SAMD4A: variants seen among roughly 807,000 people sequenced by gnomAD.
The protein encoded by SAMD4A is sterile alpha motif domain containing 4A.
In SAMD4A, 33 loss-of-function variants were observed where a neutral mutation model predicts 81.3. The ratio of observed to expected loss-of-function variants is 0.41; its 90% CI spans 0.31 to 0.54. The LOEUF (loss-of-function observed/expected upper bound fraction) is 0.54, where lower values mean the gene tolerates loss of function less well. SAMD4A is among the 20% of genes least tolerant of loss of function. SAMD4A has a pLI of 0.37. For missense variants in SAMD4A, 854 were observed against 951.1 expected (o/e 0.90, Z 1.34); for synonymous variants, 389 against 382.1 (o/e 1.02, Z -0.21).
intron 4 of SAMD4A, among the ~76,000 whole-genome samples, chr14:54,742,225 G>C (rs555415044): frequency 6.6e-6 from 1 of 152,270 alleles, no homozygotes; most frequent in South Asian, 2.1e-4. Context: ...GTAACCAATT[G>C]AATAGACAGT....
chr14:54,582,008 A>T (rs2033482646), intron 2 of SAMD4A, among the ~76,000 whole-genome samples: 1 of 152,006 alleles, frequency 6.6e-6, no homozygotes, highest in Non-Finnish European at 1.5e-5. Flanking sequence ...CTATTTTCAC[A>T]TTTTCTTTTT....
chr14:54,614,981 A>G lies in SAMD4A; in HGVS notation c.196+46869A>G, dbSNP rs375027396. 7.7e-4 allele frequency among the ~76,000 whole-genome samples: 117 copies of G among 152,296 alleles called. 1 individual carries two copies. The South Asian group carries it at 0.013, about 17-fold the overall frequency. On this transcript the variant is annotated intron_variant, in intron 2 of 12. Transcript: ENST00000554335. ...ACCATCTTTCTTTGGTAGTATGCCC[A>G]GTGTGTGTTTAATTAAGATTAACTA...
intron 11 of SAMD4A, among the ~76,000 whole-genome samples, chr14:54,778,017 A>G (rs1158583520): frequency 6.6e-6 from 1 of 152,166 alleles, no homozygotes; most frequent in African/African-American, 2.4e-5. Context: ...TCCATTCCCA[A>G]TAAAAAAGAA....
At chr14:54,735,718 C>T (rs560248715) in intron 3 of SAMD4A, among the ~76,000 whole-genome samples, 9 of 152,360 alleles carry the variant, frequency 5.9e-5, no homozygotes, top group African/African-American at 2.2e-4. Flanking sequence ...TGACTCTGCT[C>T]TTTATCTTTT....
At chr14:54,753,966 A>G (rs2038176069) in intron 6 of SAMD4A, among the ~76,000 whole-genome samples, 1 of 152,244 alleles carries the variant, frequency 6.6e-6, no homozygotes, top group South Asian at 2.1e-4. Context: ...TTTGTTAGAA[A>G]GTACGGAAAA....
chr14:54,596,402 T>A (rs915774083), intron 2 of SAMD4A, among the ~76,000 whole-genome samples: 3 of 151,984 alleles, frequency 2.0e-5, no homozygotes, highest in Admixed American at 2.0e-4. Flanking sequence ...CTGCCCAACA[T>A]GGTGAAACCC....
At chr14:54,753,358 T>A (rs1354489358) in intron 6 of SAMD4A, among the ~76,000 whole-genome samples, 1 of 139,316 alleles carries the variant, frequency 7.2e-6, no homozygotes, top group African/African-American at 2.7e-5. Flanking sequence ...TTACCAAGTA[T>A]ACTGCTTGTA....
Position 54,594,246 on chromosome 14 carries a change from A to G in SAMD4A, c.196+26134A>G, listed in dbSNP as rs546764708. Reference sequence around the variant, plus strand: ...TGCCTATTAAGTGTATATTATCTGCATAAGGTACAGAACGAAAATGCCACT... The same window carrying G: ...TGCCTATTAAGTGTATATTATCTGCGTAAGGTACAGAACGAAAATGCCACT... On this transcript the variant is annotated intron_variant, in intron 2 of 12. Transcript: ENST00000554335. Among the ~76,000 whole-genome samples the G allele has an allele frequency of 5.3e-5, 8 of 152,272 alleles. No homozygotes were observed. In the East Asian group the frequency reaches 1.5e-3, roughly 29 times the overall value.
chr14:54,671,317 T>C (rs1419220692), intron 2 of SAMD4A, among the ~76,000 whole-genome samples: 1 of 152,196 alleles, frequency 6.6e-6, no homozygotes, highest in Admixed American at 6.5e-5. Context: ...TGTTGTGGCT[T>C]CTTGTGCAAG....
chr14:54,620,475 G>A (rs767854444), intron 2 of SAMD4A, among the ~76,000 whole-genome samples: 6 of 152,062 alleles, frequency 3.9e-5, no homozygotes, highest in Admixed American at 1.3e-4. Flanking sequence ...ATTCCTTCCC[G>A]CTCACATGGC....
At chr14:54,770,261 C>T in intron 9 of SAMD4A, 39 bp downstream of exon 9, 1 of 1,385,578 alleles carries the variant, frequency 7.2e-7, no homozygotes, top group South Asian at 1.2e-5. Flanking sequence ...CGTAGTGGTT[C>T]CCCTGGCGCC....
chr14:54,711,216 T>C (rs1478427061), intron 3 of SAMD4A, among the ~76,000 whole-genome samples: 2 of 152,238 alleles, frequency 1.3e-5, no homozygotes, highest in African/African-American at 4.8e-5. Context: ...ATAATATTGA[T>C]CATTTAGCCT....
chr14:54,674,569 GCAGGCGTT>G (rs1414388769), intron 2 of SAMD4A, among the ~76,000 whole-genome samples: 1 of 152,152 alleles, frequency 6.6e-6, no homozygotes, highest in East Asian at 1.9e-4. Flanking sequence ...TTTCTACCAT[GCAGGCGTT>G]TAGTCTCTGC....
chr14:54,775,528 C>T (rs1479707482), intron 10 of SAMD4A, among the ~76,000 whole-genome samples: 1 of 152,204 alleles, frequency 6.6e-6, no homozygotes, highest in Non-Finnish European at 1.5e-5. Flanking sequence ...AGTCCCAGCT[C>T]TGGTGGAGCA....
In SAMD4A at chr14:54,760,505, A is replaced by G; in HGVS notation, c.1510+11A>G. ...GCGTCATGGGGAAAGGTAGAGCCTC[A>G]TTCGCCCATTTCTTTTTTCTTCTGG... On this transcript the variant is annotated intron_variant, in intron 7 of 12. Coordinates refer to ENST00000554335, the MANE Select transcript of SAMD4A (RefSeq NM_015589.6). 1 of 1,384,196 alleles carries G rather than the reference A, an allele frequency of 7.2e-7. No individual in the cohort carries two copies. Among genetic ancestry groups the G allele is most frequent in the South Asian group, 1.7e-5 (1 of 58,628 alleles). 85.7% of individuals were successfully genotyped at this position (1,384,196 alleles called of 1,614,324 possible). A position where few individuals can be genotyped will look rare whatever the true frequency, so the allele number is the denominator to read the frequency against.
chr14:54,752,333 G>C (rs572073069), intron 6 of SAMD4A, among the ~76,000 whole-genome samples: 68 of 152,264 alleles, frequency 4.5e-4, no homozygotes, highest in Middle Eastern at 6.8e-3. Context: ...ACACAAGTGT[G>C]AACCAGCATT....
At chr14:54,583,427 G>A (rs2033530683) in intron 2 of SAMD4A, among the ~76,000 whole-genome samples, 1 of 152,146 alleles carries the variant, frequency 6.6e-6, no homozygotes, top group Non-Finnish European at 1.5e-5. Context: ...CCTGTAGGAG[G>A]TGTTCATCTG....
intron 2 of SAMD4A, among the ~76,000 whole-genome samples, chr14:54,682,624 G>A (rs1444653954): frequency 6.6e-6 from 1 of 152,218 alleles, no homozygotes; most frequent in Non-Finnish European, 1.5e-5. Flanking sequence ...AAGTATTCAA[G>A]AGGGGAGTTT....
chr14:54,616,854 C>T (rs928304652), intron 2 of SAMD4A, among the ~76,000 whole-genome samples: 1 of 152,144 alleles, frequency 6.6e-6, no homozygotes, highest in African/African-American at 2.4e-5. Context: ...AATTTAAAGA[C>T]ATGGAAAATT....
Sources: allele counts gnomAD v4.1 joint callset (sites outside exome capture counted in the v4.1 genomes callset), GRCh38; gene constraint gnomAD v4.1.1; transcripts MANE v1.5; gene names NCBI Gene and HGNC (gene_info 2026-07-23, HGNC 2026-07-21).